ADGRF4: variants seen among roughly 807,000 people sequenced by gnomAD.
The protein encoded by ADGRF4 is adhesion G protein-coupled receptor F4.
Under a neutral mutation model 58.5 loss-of-function variants are expected in ADGRF4, and 63 were observed. The ratio of observed to expected loss-of-function variants is 1.08; its 90% CI spans 0.88 to 1.33. The LOEUF (loss-of-function observed/expected upper bound fraction) is 1.33, where lower values mean the gene tolerates loss of function less well. Among genes scored for constraint, ADGRF4 ranks in the 40% most tolerant of loss-of-function variants. The pLI is 0.00. For synonymous variants in ADGRF4, 313 were observed against 295.4 expected (o/e 1.06, Z -0.61); for missense variants, 931 against 843.9 (o/e 1.10, Z -1.28).
At chr6:47,700,080 A>G (rs1394259539) in intron 1 of ADGRF4, among the ~76,000 whole-genome samples, 1 of 152,184 alleles carries the variant, frequency 6.6e-6, no homozygotes, top group African/African-American at 2.4e-5. Context: ...AAAAGTGAGA[A>G]GAGGCACTCC....
rs757371905 is a variant in ADGRF4 at position 47,712,481 on chromosome 6, A to G, written c.425A>G (p.Asp142Gly). 7 of 1,614,166 alleles carry G rather than the reference A, an allele frequency of 4.3e-6. No individual in the cohort carries two copies. Among genetic ancestry groups the G allele is most frequent in the Non-Finnish European group, 5.1e-6 (6 of 1,179,998 alleles). Residue 142 changes from aspartate (D) to glycine (G), a missense_variant, in exon 5 of 10, where the codon GAT (aspartate) becomes GGT (glycine). By Grantham distance (94) the Asp-to-Gly change is moderately conservative (BLOSUM62 -1). Transcript: ENST00000283303. ...GGAATCCGTAAGAACTGCCCCTTTG[A>G]TTATGCCTGCATCACTGACATGGTG... ...AQGIRKNCPF[D>G]YACITDMVKS... is the part of the protein sequence containing the mutation.
chr6:47,721,212 G>A lies in ADGRF4; in HGVS notation c.*7G>A, dbSNP rs193205803. On this transcript the variant is annotated 3_prime_UTR_variant, in exon 10 of 10. Transcript: ENST00000283303. ...GTTTTTCAACCATATTTCCCAGGCT[G>A]CCCCATTTCTCATGGATGTCCTGAG... The A allele has an allele frequency of 4.6e-5, 7 of 152,296 alleles. No individual in the cohort carries two copies. Among genetic ancestry groups the A allele is most frequent in the Admixed American group, 4.6e-4 (7 of 15,286 alleles). The allele number at this position is 152,296 out of a possible 1,614,324, so 9.4% of individuals were successfully genotyped here. A position where few individuals can be genotyped will look rare whatever the true frequency, so the allele number is the denominator to read the frequency against.
At chr6:47,705,272 G>A (rs1228314919) in intron 1 of ADGRF4, among the ~76,000 whole-genome samples, 1 of 152,220 alleles carries the variant, frequency 6.6e-6, no homozygotes, top group Non-Finnish European at 1.5e-5. Context: ...GAAACATATG[G>A]ATACTTTTAA....
At chr6:47,703,725 A>G (rs961918810) in intron 1 of ADGRF4, among the ~76,000 whole-genome samples, 3 of 152,234 alleles carry the variant, frequency 2.0e-5, no homozygotes, top group South Asian at 2.1e-4. Context: ...TTATGATTTC[A>G]TATTACATAT....
intron 1 of ADGRF4, among the ~76,000 whole-genome samples, chr6:47,702,802 A>T (rs1029055906): frequency 6.6e-6 from 1 of 152,228 alleles, no homozygotes; most frequent in Non-Finnish European, 1.5e-5. Context: ...GAAGTCAATA[A>T]ATGGAATAAA....
chr6:47,716,676 A>G, intron 6 of ADGRF4, 130 bp from the exon 7 acceptor site: 1 of 706,920 alleles, frequency 1.4e-6, no homozygotes, highest in Non-Finnish European at 2.5e-6. Context: ...TTTTATCTGC[A>G]TTAGTGGAAA....
chr6:47,715,148 A>G lies in ADGRF4; in HGVS notation c.1903A>G (p.Ile635Val). The change falls in exon 6 of 10, where the codon ATA becomes GTA. Residue 635 changes from isoleucine to valine, a missense_variant. Ile to Val is a conservative substitution (Grantham distance 29). Transcript: ENST00000283303. ...AGAAGGCACTTCCTTGACGTTCCATATAATTTTTGCCTTGCTCAATGCTTT... is the reference window on the plus strand; with the variant it reads ...AGAAGGCACTTCCTTGACGTTCCATGTAATTTTTGCCTTGCTCAATGCTTT... ...LIEGTSLTFH[I>V]IFALLNAFQG... 1.3e-6 allele frequency: 2 copies of G among 1,591,202 alleles called. No individual in the cohort carries two copies. The highest frequency in any genetic ancestry group is 1.7e-6 in the Non-Finnish European group (2 of 1,161,564).
rs371212555 is a variant in ADGRF4 at position 47,718,459 on chromosome 6, A to G, written c.*3+14A>G. 6.8e-7 allele frequency: 1 copy of G among 1,466,976 alleles called. No homozygotes were observed. Among genetic ancestry groups the G allele is most frequent in the Non-Finnish European group, 9.6e-7 (1 of 1,046,128 alleles). 90.9% of individuals were successfully genotyped at this position (1,466,976 alleles called of 1,614,324 possible). On this transcript the variant is annotated intron_variant, in intron 9 of 9. Transcript: ENST00000283303. ...CAAGGATGAAATGTGAGTATTAAAA[A>G]TATAAAGAGAAATTTCACTTGCAAT...
intron 1 of ADGRF4, 42 bp from the exon 2 acceptor site, chr6:47,707,188 G>A: frequency 2.8e-6 from 3 of 1,069,430 alleles, no homozygotes; most frequent in Non-Finnish European, 2.9e-6. Context: ...GTTGCGTGAA[G>A]TTGTCACCTT....
At chr6:47,707,876 C>G (rs936057218) in intron 2 of ADGRF4, among the ~76,000 whole-genome samples, 4 of 152,112 alleles carry the variant, frequency 2.6e-5, no homozygotes, top group African/African-American at 9.7e-5. Flanking sequence ...TCATTTCATC[C>G]TTACAGTTAA....
chr6:47,714,999 A>G lies in ADGRF4; in HGVS notation c.1754A>G (p.Gln585Arg). 6.2e-7 allele frequency: 1 copy of G among 1,613,554 alleles called. No individual in the cohort carries two copies. Among genetic ancestry groups the G allele is most frequent in the South Asian group, 1.1e-5 (1 of 91,076 alleles). The change falls in exon 6 of 10, where the codon CAG becomes CGG. Residue 585 changes from glutamine to arginine, a missense_variant. By Grantham distance (43) the Gln-to-Arg change is conservative. Transcript: ENST00000283303. ...IVVLVVAVNT[Q>R]RPSIGSSKSQ... Reference sequence around the variant, plus strand: ...GTTTTGGTTGTTGCTGTCAACACTCAGAGGCCCTCTATTGGCAGTTCCAAG... The same window carrying G: ...GTTTTGGTTGTTGCTGTCAACACTCGGAGGCCCTCTATTGGCAGTTCCAAG...
chr6:47,709,926 C>G, intron 3 of ADGRF4, among the ~76,000 whole-genome samples: 1 of 151,936 alleles, frequency 6.6e-6, no homozygotes, highest in East Asian at 1.9e-4. Flanking sequence ...TGCTGAAGCC[C>G]TGCCTAGCAT....
At chr6:47,718,598 A>G (rs1772087926) in intron 9 of ADGRF4, among the ~76,000 whole-genome samples, 153 bp downstream of exon 9, 1 of 152,186 alleles carries the variant, frequency 6.6e-6, no homozygotes, top group Non-Finnish European at 1.5e-5. Context: ...AAACATCTTT[A>G]TTGTCTAGCA....
At position 47,698,723 on chromosome 6, in the gene ADGRF4, G is replaced by A. The variant is rs1771518523; in HGVS notation, c.-88G>A. On this transcript the variant is annotated 5_prime_UTR_variant, in exon 1 of 10. Transcript: ENST00000283303. ...CACGTGATGGTGAGGCATCATGCTAGGGAGCTGAGCTCTGACCTTCCTGCT... is the reference window on the plus strand; with the variant it reads ...CACGTGATGGTGAGGCATCATGCTAAGGAGCTGAGCTCTGACCTTCCTGCT... 1 of 152,232 alleles carries A rather than the reference G, an allele frequency of 6.6e-6. No individual in the cohort carries two copies. The highest frequency in any genetic ancestry group is 2.1e-4 in the South Asian group (1 of 4,828). The allele number at this position is 152,232 out of a possible 1,614,324, so 9.4% of individuals were successfully genotyped here.
intron 9 of ADGRF4, among the ~76,000 whole-genome samples, chr6:47,719,354 G>A (rs143886012): frequency 8.1e-4 from 124 of 152,238 alleles, no homozygotes; most frequent in Middle Eastern, 3.4e-3. Context: ...GGAGTGGCAT[G>A]TGTTAGTGCT....
intron 9 of ADGRF4, among the ~76,000 whole-genome samples, chr6:47,720,019 T>C (rs928538144): frequency 6.6e-6 from 1 of 152,126 alleles, no homozygotes; most frequent in Non-Finnish European, 1.5e-5. Context: ...ATTTTCTCAG[T>C]ATTGGGGACT....
At chr6:47,703,154 G>T (rs1489247925) in intron 1 of ADGRF4, among the ~76,000 whole-genome samples, 2 of 152,158 alleles carry the variant, frequency 1.3e-5, no homozygotes, top group Non-Finnish European at 2.9e-5. Flanking sequence ...AAACTTTTCA[G>T]TTTGGAATGT....
chr6:47,716,121 C>A (rs1051269101), intron 6 of ADGRF4, among the ~76,000 whole-genome samples: 4 of 151,730 alleles, frequency 2.6e-5, no homozygotes, highest in African/African-American at 9.7e-5. Flanking sequence ...CTCTGTATTT[C>A]TTTTTCAGTT....
intron 9 of ADGRF4, among the ~76,000 whole-genome samples, chr6:47,719,064 A>C (rs541152711): frequency 6.6e-6 from 1 of 152,296 alleles, no homozygotes; most frequent in East Asian, 1.9e-4. Context: ...GCCTTTCTGC[A>C]TTGTTATAGA....
Sources: gnomAD v4.1 joint callset for allele counts (sites outside exome capture counted in the v4.1 genomes callset) on GRCh38, gnomAD v4.1.1 for gene constraint, MANE v1.5 for transcripts, NCBI Gene and HGNC (gene_info 2026-07-23, HGNC 2026-07-21) for gene names.